DSCAM: variants seen among roughly 807,000 people sequenced by gnomAD.
DSCAM encodes DS cell adhesion molecule.
In DSCAM, 47 loss-of-function variants were observed where a neutral mutation model predicts 217.7. That is an observed-to-expected ratio of 0.22 (90% CI 0.17 to 0.28). The LOEUF is 0.28. Ranked by LOEUF, DSCAM falls within the 10% of genes least tolerant of loss-of-function variation. DSCAM has a pLI of 1.00. For missense variants in DSCAM, 2,080 were observed against 2,618.3 expected (o/e 0.79, Z 4.49); for synonymous variants, 1,056 against 1,015.3 (o/e 1.04, Z -0.76).
At chr21:40,299,106 C>T (rs2073986887) in intron 9 of DSCAM, among the ~76,000 whole-genome samples, 1 of 152,096 alleles carries the variant, frequency 6.6e-6, no homozygotes, top group African/African-American at 2.4e-5. Context: ...TTTACAGTCA[C>T]ATGAAGACCT....
At chr21:40,353,396 G>C in intron 5 of DSCAM, 69 bp downstream of exon 5, 1 of 1,567,138 alleles carries the variant, frequency 6.4e-7, no homozygotes, top group South Asian at 1.2e-5. Flanking sequence ...AAAACATGGA[G>C]ATTTGCTTAT....
At chr21:40,823,168 A>G (rs1189899539) in intron 1 of DSCAM, among the ~76,000 whole-genome samples, 1 of 136,036 alleles carries the variant, frequency 7.4e-6, no homozygotes, top group African/African-American at 2.7e-5. Context: ...CGCCCCCCCA[A>G]AAAAGAAAGA....
chr21:40,479,695 C>T (rs1027955993), intron 3 of DSCAM, among the ~76,000 whole-genome samples: 2 of 152,082 alleles, frequency 1.3e-5, no homozygotes, highest in African/African-American at 4.8e-5. Context: ...CCACTGGGTC[C>T]CTCTCACAAC....
intron 1 of DSCAM, among the ~76,000 whole-genome samples, chr21:40,746,374 G>GAAA (rs2091174687): frequency 4.8e-5 from 2 of 41,258 alleles, no homozygotes; most frequent in Non-Finnish European, 4.6e-5. Context: ...ACAAATTGAA[G>GAAA]CAAAAAAAAA....
intron 1 of DSCAM, among the ~76,000 whole-genome samples, chr21:40,771,940 C>A (rs1378704163): frequency 4.6e-5 from 7 of 152,156 alleles, no homozygotes; most frequent in Non-Finnish European, 1.0e-4. Context: ...ATGATGTAAT[C>A]TTTATGCGAA....
At chr21:40,478,590 G>C (rs902632888) in intron 3 of DSCAM, among the ~76,000 whole-genome samples, 12 of 152,224 alleles carry the variant, frequency 7.9e-5, no homozygotes, top group Middle Eastern at 3.4e-3. Flanking sequence ...TCAGTTCTTG[G>C]CCAATAGGGA....
Position 40,764,138 on chromosome 21 carries a change from A to G in DSCAM, c.44-55367T>C, listed in dbSNP as rs143976547. 4.0e-3 allele frequency among the ~76,000 whole-genome samples: 605 copies of G among 152,290 alleles called. 1 individual carries two copies. Among genetic ancestry groups the G allele is most frequent in the African/African-American group, 0.014 (569 of 41,570 alleles). ...GAGCTTCAGCTCAGCAAAAGAAACT[A>G]TTATCAGAGTGAACAGGCAACCTAC... On this transcript the variant is annotated intron_variant, in intron 1 of 32. Transcript: ENST00000400454.
chr21:40,581,226 G>A (rs937347958), intron 3 of DSCAM, among the ~76,000 whole-genome samples: 1 of 152,172 alleles, frequency 6.6e-6, no homozygotes, highest in South Asian at 2.1e-4. Context: ...GCCTCAAGGA[G>A]GTGGCGGGAA....
chr21:40,808,915 G>A (rs926679335), intron 1 of DSCAM, among the ~76,000 whole-genome samples: 1 of 152,134 alleles, frequency 6.6e-6, no homozygotes, highest in Non-Finnish European at 1.5e-5. Context: ...AACCCTCCTG[G>A]ACCATCAGCT....
chr21:40,117,980 C>T (rs966787972), intron 20 of DSCAM, among the ~76,000 whole-genome samples: 5 of 152,086 alleles, frequency 3.3e-5, no homozygotes, highest in African/African-American at 9.6e-5. Context: ...CATACACACA[C>T]GTGCACAAAT....
intron 3 of DSCAM, among the ~76,000 whole-genome samples, chr21:40,520,965 C>T (rs2076354237): frequency 6.6e-6 from 1 of 152,116 alleles, no homozygotes; most frequent in Non-Finnish European, 1.5e-5. Flanking sequence ...TAAGTATGTA[C>T]AAATATTATG....
chr21:40,342,270 ATC>A (rs1356375151), intron 6 of DSCAM, among the ~76,000 whole-genome samples: 5 of 152,166 alleles, frequency 3.3e-5, no homozygotes, highest in African/African-American at 1.2e-4. Context: ...TATATATAAT[ATC>A]TGTCAACATA....
At chr21:40,283,634 A>C (rs1285495600) in intron 10 of DSCAM, among the ~76,000 whole-genome samples, 1 of 152,208 alleles carries the variant, frequency 6.6e-6, no homozygotes, top group Non-Finnish European at 1.5e-5. Context: ...CACTTGGATA[A>C]GAGTCAAAAG....
chr21:40,347,769 T>A lies in DSCAM; in HGVS notation c.1111A>T (p.Ile371Leu). 2 of 1,614,214 alleles carry A rather than the reference T, an allele frequency of 1.2e-6. No individual in the cohort carries two copies. The highest frequency in any genetic ancestry group is 1.7e-6 in the Non-Finnish European group (2 of 1,180,030). The change falls in exon 6 of 33, where the codon ATA becomes TTA. Residue 371 changes from isoleucine to leucine, a missense_variant. Coordinates refer to ENST00000400454, the MANE Select transcript of DSCAM (RefSeq NM_001389.5). ...TCACTTTTGACCATGTGATCCATTATAAGGTTTTCGTGGTTGATCCCTGTG... is the reference window on the plus strand; with the variant it reads ...TCACTTTTGACCATGTGATCCATTAAAAGGTTTTCGTGGTTGATCCCTGTG... ...RITGINHENL[I>L]MDHMVKSDGG...
intron 3 of DSCAM, among the ~76,000 whole-genome samples, chr21:40,399,249 G>A (rs1157264705): frequency 6.6e-6 from 1 of 150,956 alleles, no homozygotes; most frequent in Non-Finnish European, 1.5e-5. Context: ...CAGCCTGGGT[G>A]ACAGAGGAAG....
In DSCAM at chr21:40,665,169, G is replaced by A. The variant is rs1037194905; in HGVS notation, c.508+27641C>T. Among the ~76,000 whole-genome samples, 7 of 152,282 alleles carry A rather than the reference G, an allele frequency of 4.6e-5. No individual in the cohort carries two copies. The South Asian group carries it at 8.3e-4, about 18-fold the overall frequency. ...ATAGCAAGCAAAGGAATAAAGGAAC[G>A]GCAGAATTTCAAAGAAAACACAGAG... On this transcript the variant is annotated intron_variant, in intron 3 of 32. Transcript: ENST00000400454.
At chr21:40,225,692 C>G (rs1053695645) in intron 11 of DSCAM, among the ~76,000 whole-genome samples, 1 of 152,150 alleles carries the variant, frequency 6.6e-6, no homozygotes, top group African/African-American at 2.4e-5. Flanking sequence ...GCTTCCCTAT[C>G]CCTACCTATT....
intron 5 of DSCAM, among the ~76,000 whole-genome samples, chr21:40,352,450 C>T (rs546062871): frequency 6.6e-6 from 1 of 152,106 alleles, no homozygotes; most frequent in Non-Finnish European, 1.5e-5. Context: ...GGCTGGACAG[C>T]CTGTTCCAGA....
intron 1 of DSCAM, among the ~76,000 whole-genome samples, chr21:40,714,923 T>A (rs2146495499): frequency 6.6e-6 from 1 of 152,328 alleles, no homozygotes; most frequent in South Asian, 2.1e-4. Flanking sequence ...AAGAGGCAGA[T>A]CCTTCATGAA....
Sources: gnomAD v4.1 joint callset for allele counts (sites outside exome capture counted in the v4.1 genomes callset) on GRCh38, gnomAD v4.1.1 for gene constraint, MANE v1.5 for transcripts, NCBI Gene and HGNC (gene_info 2026-07-23, HGNC 2026-07-21) for gene names.